Variants in ASPSCR1 observed in about 807,000 individuals in gnomAD.
ASPSCR1 encodes ASPSCR1 tether for SLC2A4, UBX domain containing.
A neutral mutation model predicts 68.9 loss-of-function variants in ASPSCR1; 55 were observed. That is an observed-to-expected ratio of 0.80 (90% CI 0.64 to 1.00). The LOEUF (loss-of-function observed/expected upper bound fraction) is 1.00, where lower values mean the gene tolerates loss of function less well. ASPSCR1 is among the 50% of genes least tolerant of loss of function. ASPSCR1 has a pLI of 0.00. For missense variants in ASPSCR1, 765 were observed against 762.2 expected, an observed-to-expected ratio of 1.00 and a Z score of -0.04; for synonymous variants, 352 against 332.6, an observed-to-expected ratio of 1.06 and a Z score of -0.63.
At chr17:82,000,232 G>A (rs1012853994) in intron 7 of ASPSCR1, among the ~76,000 whole-genome samples, 1 of 152,268 alleles carries the variant, frequency 6.6e-6, no homozygotes, top group Non-Finnish European at 1.5e-5. Context: ...GGCGGGTCTT[G>A]TCTGCAGAGC....
chr17:81,977,829 C>A lies in ASPSCR1; in HGVS notation c.102+81C>A. 3 of 1,085,360 alleles carry A rather than the reference C, an allele frequency of 2.8e-6. No individual in the cohort carries two copies. The highest frequency in any genetic ancestry group is 3.5e-6 in the Non-Finnish European group (3 of 865,846). 67.2% of individuals were successfully genotyped at this position (1,085,360 alleles called of 1,614,324 possible). A position where few individuals can be genotyped will look rare whatever the true frequency, so the allele number is the denominator to read the frequency against. ...GCCCCGCCCATTGCGGTCGGCGTCC[C>A]GGTGTTCGGGGGCGGGGCCTCGGCG... On this transcript the variant is annotated intron_variant, in intron 1 of 15. Transcript: ENST00000306739. This position sits in a 1 kb window ranked among gnomAD's most constrained non-coding sequence, Gnocchi z 5.0.
chr17:82,015,662 T>C, intron 12 of ASPSCR1: 1 of 426,150 alleles, frequency 2.3e-6, no homozygotes. Context: ...CCCCTGGGCT[T>C]CTGTGAGCAG....
At chr17:82,011,730 C>A (rs1472469268) in intron 11 of ASPSCR1, 125 bp downstream of exon 11, 1 of 1,039,140 alleles carries the variant, frequency 9.6e-7, no homozygotes, top group East Asian at 2.7e-5. Context: ...TGTGGCCTCC[C>A]GCCCAGGTGC....
At chr17:82,000,490 G>A (rs750525475) in intron 7 of ASPSCR1, among the ~76,000 whole-genome samples, 1 of 152,186 alleles carries the variant, frequency 6.6e-6, no homozygotes, top group Admixed American at 6.5e-5. Context: ...GGGGCCACAT[G>A]CCGCTGCTGG....
chr17:81,991,815 C>A (rs1456570646), intron 4 of ASPSCR1, among the ~76,000 whole-genome samples: 1 of 152,252 alleles, frequency 6.6e-6, no homozygotes, highest in Admixed American at 6.5e-5. Context: ...GCTGCCTGGG[C>A]TCTCGTCAGC....
intron 9 of ASPSCR1, 103 bp from the exon 10 acceptor site, chr17:82,010,699 G>C (rs2042907100): frequency 1.6e-6 from 2 of 1,272,978 alleles, no homozygotes; most frequent in Middle Eastern, 2.3e-4. Flanking sequence ...GCCTGCCTCA[G>C]CCCTGGTGTC....
intron 7 of ASPSCR1, chr17:82,008,264 G>A (rs2042789291): frequency 1.3e-5 from 2 of 152,500 alleles, no homozygotes; most frequent in East Asian, 1.9e-4. Flanking sequence ...GGGACCAGGA[G>A]GGTTGTTCGC....
At chr17:81,988,665 A>G (rs9890434) in intron 4 of ASPSCR1, among the ~76,000 whole-genome samples, 8,826 of 152,004 alleles carry the variant, frequency 0.058, 400 homozygotes, top group South Asian at 0.14. Context: ...TTTGTGGCTG[A>G]CTGTTGTTGC....
chr17:81,978,740 G>A (rs140557125), intron 1 of ASPSCR1: 3,004 of 226,676 alleles, frequency 0.013, 85 homozygotes, highest in African/African-American at 0.063. Context: ...ACCCCTTGGT[G>A]CAAGGCCACG....
At chr17:81,981,065 C>T (rs146534465) in intron 2 of ASPSCR1, among the ~76,000 whole-genome samples, 52 of 152,308 alleles carry the variant, frequency 3.4e-4, no homozygotes, top group African/African-American at 1.2e-3. Context: ...GACTGTGCCA[C>T]GAAAACCCTG....
intron 7 of ASPSCR1, chr17:82,007,254 C>G (rs982375544): frequency 4.6e-5 from 7 of 152,240 alleles, no homozygotes; most frequent in Non-Finnish European, 1.0e-4. Flanking sequence ...ACCACGGCCC[C>G]GTGTGGGACC....
chr17:81,985,384 A>G, intron 3 of ASPSCR1, 123 bp from the exon 4 acceptor site: 4 of 963,224 alleles, frequency 4.2e-6, no homozygotes, highest in Admixed American at 4.4e-5. Flanking sequence ...CGTGGGGGTC[A>G]GCCTCTCCCT....
chr17:81,988,045 C>T (rs575156894), intron 4 of ASPSCR1, among the ~76,000 whole-genome samples: 5 of 150,058 alleles, frequency 3.3e-5, no homozygotes, highest in African/African-American at 1.2e-4. Flanking sequence ...GTAGTCCCAG[C>T]TACTCAGGAG....
At chr17:81,991,240 A>G (rs1486228233) in intron 4 of ASPSCR1, among the ~76,000 whole-genome samples, 1 of 152,204 alleles carries the variant, frequency 6.6e-6, no homozygotes, top group Non-Finnish European at 1.5e-5. Flanking sequence ...TGGGCACCCC[A>G]GGTGGGAGTG....
intron 5 of ASPSCR1, chr17:81,995,669 G>A: frequency 1.9e-6 from 1 of 528,872 alleles, no homozygotes; most frequent in Non-Finnish European, 3.4e-6. Flanking sequence ...GCTCCGGGCA[G>A]TGGGTCCTGG....
chr17:82,010,840 A>G lies in ASPSCR1; in HGVS notation c.1209A>G (p.Leu403=), dbSNP rs575472452. ...LRVLFPDRYV[L]QGFFRPSETV... Reference sequence around the variant, plus strand: ...TCCTGTTCCCCGACCGCTACGTCCTACAGGGCTTCTTCCGCCCCAGCGAGA... The same window carrying G: ...TCCTGTTCCCCGACCGCTACGTCCTGCAGGGCTTCTTCCGCCCCAGCGAGA... Residue 403 remains leucine, a synonymous_variant, in exon 10 of 16, where the codon CTA becomes CTG. Coordinates refer to ENST00000306739, the MANE Select transcript of ASPSCR1 (RefSeq NM_024083.4). The G allele has an allele frequency of 1.3e-4, 217 of 1,612,890 alleles. No individual in the cohort carries two copies. Among genetic ancestry groups the G allele is most frequent in the Non-Finnish European group, 1.8e-4 (212 of 1,179,910 alleles).
intron 2 of ASPSCR1, 114 bp downstream of exon 2, chr17:81,979,353 C>A: frequency 1.7e-6 from 2 of 1,191,446 alleles, no homozygotes; most frequent in South Asian, 1.3e-5. Flanking sequence ...GTCATATATT[C>A]CCTCCCAACT....
At chr17:82,009,213 C>G (rs746020195) in intron 8 of ASPSCR1, 22 bp downstream of exon 8, 1 of 1,583,336 alleles carries the variant, frequency 6.3e-7, no homozygotes, top group Non-Finnish European at 8.6e-7. Flanking sequence ...CTCAGTGCCT[C>G]CCGGCATCTT....
chr17:82,016,437 G>C, intron 12 of ASPSCR1, 39 bp from the exon 13 acceptor site: 2 of 1,532,762 alleles, frequency 1.3e-6, no homozygotes, highest in Non-Finnish European at 1.8e-6. Flanking sequence ...GGGGTGCTCT[G>C]CCCACACCCG....
Sources: allele counts gnomAD v4.1 joint callset (sites outside exome capture counted in the v4.1 genomes callset), GRCh38; gene constraint gnomAD v4.1.1; non-coding constraint Gnocchi (gnomAD v3.1); transcripts MANE v1.5; gene names NCBI Gene and HGNC (gene_info 2026-07-23, HGNC 2026-07-21).